MAGEL2: variants seen among roughly 807,000 people sequenced by gnomAD.
MAGEL2 encodes the protein MAGE family member L2.
For synonymous variants in MAGEL2, 792 were observed against 721.7 expected, an observed-to-expected ratio of 1.10 and a Z score of -1.56; for missense variants, 1,830 against 1,699.2, an observed-to-expected ratio of 1.08 and a Z score of -1.35.
rs905538109 is a variant in MAGEL2 at position 23,646,335 on chromosome 15, G to A, written c.1408C>T (p.Pro470Ser). 1 of 1,375,900 alleles carries A rather than the reference G, an allele frequency of 7.3e-7. No individual in the cohort carries two copies. The highest frequency in any genetic ancestry group is 1.6e-5 in the African/African-American group (1 of 64,172). 85.2% of individuals were successfully genotyped at this position (1,375,900 alleles called of 1,614,324 possible). A position where few individuals can be genotyped will look rare whatever the true frequency, so the allele number is the denominator to read the frequency against. Residue 470 changes from proline to serine, a missense_variant, in exon 1 of 1, where the codon CCT (proline) becomes TCT (serine). Physicochemically the swap from Pro to Ser is moderately conservative, Grantham distance 74 (BLOSUM62 -1). Coordinates refer to ENST00000650528, the MANE Select transcript of MAGEL2 (RefSeq NM_019066.5). The surrounding 1 kb of genome is among the most constrained non-coding windows in gnomAD (Gnocchi z 4.2). ...QAPAVIRQAP[P>S]VIRQAPPVIR... ...ACAGGTGGGGCCTGGCGGATCACAG[G>A]TGGGGCCTGGCGGATCACAGCGGGG...
rs1890416717 is a variant in MAGEL2 at position 23,646,776 on chromosome 15, CAGGTGGGGCCATCGGCTG to C, written c.949_966del (p.Gln317_Pro322del). 2 of 1,533,514 alleles carry C rather than the reference CAGGTGGGGCCATCGGCTG, an allele frequency of 1.3e-6. No individual in the cohort carries two copies. The highest frequency in any genetic ancestry group is 1.7e-6 in the Non-Finnish European group (2 of 1,146,290). The allele number at this position is 1,533,514 out of a possible 1,614,324, so 95.0% of individuals were successfully genotyped here. A position where few individuals can be genotyped will look rare whatever the true frequency, so the allele number is the denominator to read the frequency against. Reference sequence around the variant, plus strand: ...GGGGCCCAAGAAGCCATCGGCTGTGCAGGTGGGGCCATCGGCTGTGCAGGTGGGGCCGCCGGCTGTGCC... The same window carrying C: ...GGGGCCCAAGAAGCCATCGGCTGTGCTGCAGGTGGGGCCGCCGGCTGTGCC... On this transcript the variant is annotated inframe_deletion, in exon 1 of 1. Transcript: ENST00000650528. The surrounding 1 kb of genome is among the most constrained non-coding windows in gnomAD (Gnocchi z 4.2).
At position 23,647,518 on chromosome 15, in the gene MAGEL2, C is replaced by T. The variant is rs564216035; in HGVS notation, c.225G>A (p.Pro75=). 9.1e-4 allele frequency: 1,387 copies of T among 1,530,822 alleles called. 5 individuals are homozygous for T. Among genetic ancestry groups the T allele is most frequent in the African/African-American group, 9.0e-3 (654 of 72,962 alleles). 94.8% of individuals were successfully genotyped at this position (1,530,822 alleles called of 1,614,324 possible). A position where few individuals can be genotyped will look rare whatever the true frequency, so the allele number is the denominator to read the frequency against. The part of the protein sequence containing the change: ...WEAPQGQLPA[P]VVPMTQPPAL... The stretch of plus-strand genomic sequence containing the variant: ...CAGGAGGCTGGGTCATCGGAACCAC[C>T]GGGGCGGGCAGCTGGCCCTGTGGGG... Residue 75 remains proline, a synonymous_variant, in exon 1 of 1, where the codon CCG becomes CCA. Coordinates refer to ENST00000650528, the MANE Select transcript of MAGEL2 (RefSeq NM_019066.5).
In MAGEL2 at chr15:23,646,286, A is replaced by G. The variant is rs1566784617; in HGVS notation, c.1457T>C (p.Ile486Thr). 2.9e-6 allele frequency: 4 copies of G among 1,358,962 alleles called. No homozygotes were observed. The East Asian group carries it at 9.1e-5, about 31-fold the overall frequency. 84.2% of individuals were successfully genotyped at this position (1,358,962 alleles called of 1,614,324 possible). ...GCGGATCAGCGGCGGGGCCTGGCGG[A>G]TCACAGGTGGAGCCTGGCGGATCAC... ...PPVIRQAPPV[I>T]RQAPPLIRQA... is the part of the protein sequence containing the mutation. The change falls in exon 1 of 1, where the codon ATC (isoleucine) becomes ACC (threonine). Residue 486 changes from isoleucine to threonine, a missense_variant. Transcript: ENST00000650528. This position sits in a 1 kb window ranked among gnomAD's most constrained non-coding sequence, Gnocchi z 4.2.
chr15:23,646,760 G>A lies in MAGEL2; in HGVS notation c.983C>T (p.Ser328Phe), dbSNP rs1890415964. Residue 328 changes from serine (S) to phenylalanine (F), a missense_variant, in exon 1 of 1, where the codon TCT (serine) becomes TTT (phenylalanine). Ser to Phe is a radical substitution (Grantham distance 155). Transcript: ENST00000650528. This position sits in a 1 kb window ranked among gnomAD's most constrained non-coding sequence, Gnocchi z 4.2. ...CAGAGGCTGAGCCTGCGGGGCCCAA[G>A]AAGCCATCGGCTGTGCAGGTGGGGC... The part of the protein sequence containing the change: ...PMAPPAQPMA[S>F]WAPQAQPLIL... 6.5e-7 allele frequency: 1 copy of A among 1,535,364 alleles called. No homozygotes were observed. Among genetic ancestry groups the A allele is most frequent in the Non-Finnish European group, 8.7e-7 (1 of 1,146,428 alleles).
chr15:23,645,450 C>T lies in MAGEL2; in HGVS notation c.2293G>A (p.Ala765Thr), dbSNP rs1890375514. The change falls in exon 1 of 1, where the codon GCG (alanine) becomes ACG (threonine). Residue 765 changes from alanine to threonine, a missense_variant. Coordinates refer to ENST00000650528, the MANE Select transcript of MAGEL2 (RefSeq NM_019066.5). ...TFCAPKAVSA[A>T]RAHLPAAWKN... ...CAGGCAGCTGGCAGGTGTGCTCGCG[C>T]AGCTGACACTGCCTTGGGAGCACAG... 1 of 1,613,842 alleles carries T rather than the reference C, an allele frequency of 6.2e-7. No homozygotes were observed. Among genetic ancestry groups the T allele is most frequent in the African/African-American group, 1.3e-5 (1 of 74,946 alleles).
At position 23,645,587 on chromosome 15, in the gene MAGEL2, C is replaced by G; in HGVS notation, c.2156G>C (p.Gly719Ala). The G allele has an allele frequency of 6.2e-7, 1 of 1,606,160 alleles. No homozygotes were observed. Among genetic ancestry groups the G allele is most frequent in the Non-Finnish European group, 8.5e-7 (1 of 1,176,274 alleles). The change falls in exon 1 of 1, where the codon GGA becomes GCA. Residue 719 changes from glycine to alanine, a missense_variant. Physicochemically the swap from Gly to Ala is moderately conservative, Grantham distance 60. Transcript: ENST00000650528. ...GTCTATAGAAGAGGCCCTGCATTCT[C>G]CTGATGGAGTCATCAATGATTTAGC... is the stretch of plus-strand genomic sequence containing the variant. ...GSAKSLMTPS[G>A]ECRASSIDRR... is the part of the protein sequence containing the mutation.
At position 23,644,632 on chromosome 15, in the gene MAGEL2, G is replaced by A. The variant is rs1203056271; in HGVS notation, c.3111C>T (p.Ala1037=). Reference sequence around the variant, plus strand: ...TCTCCGAGCGCTGGACAGGCACCTTGGCTTGGTCCTTGACTAAGAGGAACT... The same window carrying A: ...TCTCCGAGCGCTGGACAGGCACCTTAGCTTGGTCCTTGACTAAGAGGAACT... ...LVQFLLVKDQ[A]KVPVQRSEMV... is the part of the protein sequence containing the mutation. The change falls in exon 1 of 1, where the codon GCC becomes GCT. Residue 1037 remains alanine (A), a synonymous_variant. Coordinates refer to ENST00000650528, the MANE Select transcript of MAGEL2 (RefSeq NM_019066.5). 1.9e-6 allele frequency: 3 copies of A among 1,613,878 alleles called. No individual in the cohort carries two copies. Among genetic ancestry groups the A allele is most frequent in the Non-Finnish European group, 2.5e-6 (3 of 1,179,862 alleles).
chr15:23,645,746 T>TG lies in MAGEL2; in HGVS notation c.1996dup (p.Gln666ProfsTer47), dbSNP rs770374710. ...TTGCGGACCCGATGCCTGGGCCTGC[T>TG]GGGGGGGTAGCTGGATTTGCACGGC... On this transcript the variant is annotated frameshift_variant, in exon 1 of 1. Coordinates refer to ENST00000650528, the MANE Select transcript of MAGEL2 (RefSeq NM_019066.5). LOFTEE classifies it low-confidence loss of function (END_TRUNC). 3.8e-6 allele frequency: 6 copies of TG among 1,572,968 alleles called. No homozygotes were observed. Among genetic ancestry groups the TG allele is most frequent in the Non-Finnish European group, 8.6e-7 (1 of 1,161,342 alleles).
rs1890399353 is a variant in MAGEL2 at position 23,646,250 on chromosome 15, G to C, written c.1493C>G (p.Pro498Arg). 1 of 1,359,786 alleles carries C rather than the reference G, an allele frequency of 7.4e-7. No individual in the cohort carries two copies. Among genetic ancestry groups the C allele is most frequent in the Non-Finnish European group, 9.4e-7 (1 of 1,066,034 alleles). 84.2% of individuals were successfully genotyped at this position (1,359,786 alleles called of 1,614,324 possible). A position where few individuals can be genotyped will look rare whatever the true frequency, so the allele number is the denominator to read the frequency against. The change falls in exon 1 of 1, where the codon CCG (proline) becomes CGG (arginine). Residue 498 changes from proline to arginine, a missense_variant. By Grantham distance (103) the Pro-to-Arg change is moderately radical. Transcript: ENST00000650528. The surrounding 1 kb of genome is among the most constrained non-coding windows in gnomAD (Gnocchi z 4.2). ...QAPPLIRQAP[P>R]PIRPAPQVLA... ...GACCTGTGGGGCAGGTCGGATGGGC[G>C]GCGGCGCCTGGCGGATCAGCGGCGG... is the stretch of plus-strand genomic sequence containing the variant.
In MAGEL2 at chr15:23,644,667, C is replaced by A. The variant is rs753331962; in HGVS notation, c.3076G>T (p.Ala1026Ser). The A allele has an allele frequency of 1.9e-6, 3 of 1,613,912 alleles. No individual in the cohort carries two copies. Among genetic ancestry groups the A allele is most frequent in the Non-Finnish European group, 2.5e-6 (3 of 1,179,892 alleles). Residue 1026 changes from alanine (A) to serine (S), a missense_variant, in exon 1 of 1, where the codon GCG (alanine) becomes TCG (serine). Ala to Ser is a moderately conservative substitution (Grantham distance 99). Coordinates refer to ENST00000650528, the MANE Select transcript of MAGEL2 (RefSeq NM_019066.5). The stretch of plus-strand genomic sequence containing the variant: ...TTGACTAAGAGGAACTGCACCAACG[C>A]ATTTGCCCTCTCATCCAAGGGAGAC... ...PLSPLDERAN[A>S]LVQFLLVKDQ... is the part of the protein sequence containing the mutation.
At position 23,645,513 on chromosome 15, in the gene MAGEL2, C is replaced by T. The variant is rs764011034; in HGVS notation, c.2230G>A (p.Ala744Thr). 1.1e-5 allele frequency: 18 copies of T among 1,613,774 alleles called. No individual in the cohort carries two copies. Among genetic ancestry groups the T allele is most frequent in the East Asian group, 2.2e-5 (1 of 44,878 alleles). Residue 744 changes from alanine to threonine, a missense_variant, in exon 1 of 1, where the codon GCC (alanine) becomes ACC (threonine). Transcript: ENST00000650528. ...AAGATCATGCGGTCTTTTGAAGGGGCCCTGCGCTCCTTCGAGGAGGTCCTG... is the reference window on the plus strand; with the variant it reads ...AAGATCATGCGGTCTTTTGAAGGGGTCCTGCGCTCCTTCGAGGAGGTCCTG... ...ERRTSSKERR[A>T]PSKDRMIFAA... is the part of the protein sequence containing the mutation.
chr15:23,647,253 G>T lies in MAGEL2; in HGVS notation c.490C>A (p.Pro164Thr). 6 of 1,529,472 alleles carry T rather than the reference G, an allele frequency of 3.9e-6. No homozygotes were observed. The highest frequency in any genetic ancestry group is 5.3e-6 in the Non-Finnish European group (6 of 1,141,914). The allele number at this position is 1,529,472 out of a possible 1,614,324, so 94.7% of individuals were successfully genotyped here. Reference sequence around the variant, plus strand: ...GGATGGGCCATCGGGGTCCCCGGAGGAGGAGGATGGGCCATTGGGGTCCCC... The same window carrying T: ...GGATGGGCCATCGGGGTCCCCGGAGTAGGAGGATGGGCCATTGGGGTCCCC... ...PPGTPMAHPPPPGTPMAHPPP... is the reference protein window; with the variant it reads ...PPGTPMAHPPTPGTPMAHPPP... Residue 164 changes from proline (P) to threonine (T), a missense_variant, in exon 1 of 1, where the codon CCT becomes ACT. Physicochemically the swap from Pro to Thr is conservative, Grantham distance 38 (BLOSUM62 -1). Coordinates refer to ENST00000650528, the MANE Select transcript of MAGEL2 (RefSeq NM_019066.5).
In MAGEL2 at chr15:23,646,694, T is replaced by G; in HGVS notation, c.1049A>C (p.Gln350Pro). The G allele has an allele frequency of 2.6e-6, 4 of 1,524,586 alleles. No individual in the cohort carries two copies. The highest frequency in any genetic ancestry group is 3.5e-6 in the Non-Finnish European group (4 of 1,140,292). The allele number at this position is 1,524,586 out of a possible 1,614,324, so 94.4% of individuals were successfully genotyped here. ...GGGTGCCTGCGGGCCCTGGGGAACC[T>G]GCGGAGGAGCCCTTATAACTTGAGA... Reference protein sequence around the residue: ...IQSQVIRAPPQVPQGPQAPPA... With the variant: ...IQSQVIRAPPPVPQGPQAPPA... Residue 350 changes from glutamine (Q) to proline (P), a missense_variant, in exon 1 of 1, where the codon CAG (glutamine) becomes CCG (proline). By Grantham distance (76) the Gln-to-Pro change is moderately conservative. Coordinates refer to ENST00000650528, the MANE Select transcript of MAGEL2 (RefSeq NM_019066.5). The surrounding 1 kb of genome is among the most constrained non-coding windows in gnomAD (Gnocchi z 4.2).
In MAGEL2 at chr15:23,646,842, G is replaced by T; in HGVS notation, c.901C>A (p.Pro301Thr). 6.5e-7 allele frequency: 1 copy of T among 1,536,660 alleles called. No homozygotes were observed. Among genetic ancestry groups the T allele is most frequent in the Non-Finnish European group, 8.7e-7 (1 of 1,146,880 alleles). ...GCCATCGGTGCTCCTGAAGCTGGAG[G>T]CTGGGTCATCGGAGCTCTCGCACCT... ...PPGARAPMTQ[P>T]PASGAPMAQP... Residue 301 changes from proline to threonine, a missense_variant, in exon 1 of 1, where the codon CCT (proline) becomes ACT (threonine). Pro to Thr is a conservative substitution (Grantham distance 38). Transcript: ENST00000650528. The surrounding 1 kb of genome is among the most constrained non-coding windows in gnomAD (Gnocchi z 4.2).
Position 23,646,546 on chromosome 15 carries a change from T to G in MAGEL2, c.1197A>C (p.Pro399=). Residue 399 remains proline (P), a synonymous_variant, in exon 1 of 1, where the codon CCA becomes CCC. Coordinates refer to ENST00000650528, the MANE Select transcript of MAGEL2 (RefSeq NM_019066.5). This position sits in a 1 kb window ranked among gnomAD's most constrained non-coding sequence, Gnocchi z 4.2. ...WQTTQVTWQA[P]AVTWQVPPPM... ...GCGGCGGCACCTGCCAGGTAACGGC[T>G]GGTGCCTGCCAGGTGACCTGCGTGG... 1.4e-6 allele frequency: 2 copies of G among 1,475,136 alleles called. No homozygotes were observed. The highest frequency in any genetic ancestry group is 5.0e-5 in the East Asian group (2 of 40,386). The allele number at this position is 1,475,136 out of a possible 1,614,324, so 91.4% of individuals were successfully genotyped here. A position where few individuals can be genotyped will look rare whatever the true frequency, so the allele number is the denominator to read the frequency against.
Position 23,646,207 on chromosome 15 carries a change from C to T in MAGEL2, c.1536G>A (p.Pro512=). 3.0e-6 allele frequency: 4 copies of T among 1,338,064 alleles called. No homozygotes were observed. The highest frequency in any genetic ancestry group is 3.8e-6 in the Non-Finnish European group (4 of 1,052,878). 82.9% of individuals were successfully genotyped at this position (1,338,064 alleles called of 1,614,324 possible). Residue 512 remains proline (P), a synonymous_variant, in exon 1 of 1, where the codon CCG becomes CCA. Transcript: ENST00000650528. The surrounding 1 kb of genome is among the most constrained non-coding windows in gnomAD (Gnocchi z 4.2). ...GTGGGGGTGGCAGGGCCTGCCAGAG[C>T]GGTGGCTGGGTGGCCAGGACCTGTG... is the stretch of plus-strand genomic sequence containing the variant. ...PAPQVLATQP[P]LWQALPPPPP...
chr15:23,647,449 C>T lies in MAGEL2; in HGVS notation c.294G>A (p.Pro98=), dbSNP rs570194374. 35 of 1,535,042 alleles carry T rather than the reference C, an allele frequency of 2.3e-5. No individual in the cohort carries two copies. The East Asian group carries it at 6.8e-4, about 30-fold the overall frequency. ...PIVPAPPLGG[P]MGKPPTPGVL... ...CCCCGGGAGTCGGAGGCTTACCCATCGGGCCCCCCAGCGGGGGAGCCGGGA... is the reference window on the plus strand; with the variant it reads ...CCCCGGGAGTCGGAGGCTTACCCATTGGGCCCCCCAGCGGGGGAGCCGGGA... Residue 98 remains proline (P), a synonymous_variant, in exon 1 of 1, where the codon CCG becomes CCA. Coordinates refer to ENST00000650528, the MANE Select transcript of MAGEL2 (RefSeq NM_019066.5).
rs925740739 is a variant in MAGEL2, at chr15:23,647,189, G to A, written c.554C>T (p.Pro185Leu). 2.6e-6 allele frequency: 4 copies of A among 1,521,682 alleles called. No individual in the cohort carries two copies. The highest frequency in any genetic ancestry group is 2.0e-5 in the Admixed American group (1 of 49,892). 94.3% of individuals were successfully genotyped at this position (1,521,682 alleles called of 1,614,324 possible). A position where few individuals can be genotyped will look rare whatever the true frequency, so the allele number is the denominator to read the frequency against. Residue 185 changes from proline (P) to leucine (L), a missense_variant, in exon 1 of 1, where the codon CCG becomes CTG. Transcript: ENST00000650528. ...GGGAGGATGAGCCATCGGGGTCCCC[G>A]GAGGAGGAGGATGCACCATCGGGGT... ...PGTPMVHPPPPGTPMAHPPPP... is the reference protein window; with the variant it reads ...PGTPMVHPPPLGTPMAHPPPP...
rs556929147 is a variant in MAGEL2, at chr15:23,647,560, A to G, written c.183T>C (p.Pro61=). The stretch of plus-strand genomic sequence containing the variant: ...CCTGTGGGGCCTCCCAGGCAGGCTG[A>G]GGTGCCTGCCAAGCGGCCAATGAAG... The part of the protein sequence containing the change: ...LQASLAAWQA[P]QPAWEAPQGQ... The change falls in exon 1 of 1, where the codon CCT becomes CCC. Residue 61 remains proline, a synonymous_variant. Coordinates refer to ENST00000650528, the MANE Select transcript of MAGEL2 (RefSeq NM_019066.5). The G allele has an allele frequency of 2.4e-4, 365 of 1,535,116 alleles. No individual in the cohort carries two copies. The highest frequency in any genetic ancestry group is 3.0e-4 in the Non-Finnish European group (346 of 1,146,368).
Sources: gnomAD v4.1 joint callset for allele counts on GRCh38, gnomAD v4.1.1 for gene constraint, Gnocchi (gnomAD v3.1) non-coding constraint, MANE v1.5 for transcripts, NCBI Gene and HGNC (gene_info 2026-07-23, HGNC 2026-07-21) for gene names.